SLC4A9: variants seen among roughly 807,000 people sequenced by gnomAD.
The protein encoded by SLC4A9 is anion exchange protein 4.
A neutral mutation model predicts 103.2 loss-of-function variants in SLC4A9; 102 were observed. The ratio of observed to expected loss-of-function variants is 0.99; its 90% CI spans 0.84 to 1.17. The LOEUF (loss-of-function observed/expected upper bound fraction) is 1.17. Ranked by LOEUF, SLC4A9 falls within the 50% of genes most tolerant of loss-of-function variation. The probability of loss-of-function intolerance (pLI) is 0.00; values close to 1 mark genes in which losing one functional copy is unlikely to be tolerated. For missense variants in SLC4A9, 1,091 were observed against 1,193.7 expected, an observed-to-expected ratio of 0.91 and a Z score of 1.27; for synonymous variants, 453 against 483.6, an observed-to-expected ratio of 0.94 and a Z score of 0.83.
chr5:140,361,713 C>T (rs1767107983), intron 3 of SLC4A9, 95 bp from the exon 4 acceptor site: 23 of 1,380,746 alleles, frequency 1.7e-5, no homozygotes, highest in Non-Finnish European at 2.4e-5. Flanking sequence ...TACTCTAATT[C>T]TTACAGCTTG....
In SLC4A9 at chr5:140,365,895, A is replaced by G; in HGVS notation, c.1772A>G (p.His591Arg). The change falls in exon 13 of 22, where the codon CAC becomes CGC. Residue 591 changes from histidine to arginine, a missense_variant. Physicochemically the swap from His to Arg is conservative, Grantham distance 29. Coordinates refer to ENST00000506757, the MANE Select transcript of SLC4A9 (RefSeq NM_031467.3). Reference protein sequence around the residue: ...PPPECTRQGGHPRGPGCHTVP... With the variant: ...PPPECTRQGGRPRGPGCHTVP... The stretch of plus-strand genomic sequence containing the variant: ...CCTGAGTGCACCCGGCAGGGAGGCC[A>G]CCCTCGTGGCCCTGGCTGTCATACA... 6.2e-7 allele frequency: 1 copy of G among 1,613,884 alleles called. No homozygotes were observed. The highest frequency in any genetic ancestry group is 8.5e-7 in the Non-Finnish European group (1 of 1,179,856).
At chr5:140,371,912 C>T (rs1381526451) in intron 19 of SLC4A9, among the ~76,000 whole-genome samples, 1 of 152,152 alleles carries the variant, frequency 6.6e-6, no homozygotes, top group Non-Finnish European at 1.5e-5. Flanking sequence ...GAAATGGTGA[C>T]ACTTTTATTA....
rs769969251 is a variant in SLC4A9, at chr5:140,364,347, T to C, written c.1389-16T>C. On this transcript the variant is annotated splice_polypyrimidine_tract_variant and intron_variant, in intron 10 of 21. Transcript: ENST00000506757. ...CAGCCCTGCTAAGCCAGCCTTCCTG[T>C]CTCTCATCCCCACAGAGATTACAGC... 1 of 1,611,548 alleles carries C rather than the reference T, an allele frequency of 6.2e-7. No homozygotes were observed. Among genetic ancestry groups the C allele is most frequent in the East Asian group, 2.2e-5 (1 of 44,858 alleles).
In SLC4A9 at chr5:140,363,291, T is replaced by C. The variant is rs1013025456; in HGVS notation, c.963-148T>C. The C allele has an allele frequency of 2.2e-6, 2 of 915,822 alleles. No individual in the cohort carries two copies. Among genetic ancestry groups the C allele is most frequent in the African/African-American group, 1.7e-5 (1 of 59,450 alleles). 56.7% of individuals were successfully genotyped at this position (915,822 alleles called of 1,614,324 possible). A position where few individuals can be genotyped will look rare whatever the true frequency, so the allele number is the denominator to read the frequency against. ...GGCTTTCACAGGTCGCAATATGACC[T>C]GGACCTTCTAGAGGCCCAGGTGTCG... On this transcript the variant is annotated intron_variant, in intron 7 of 21. Coordinates refer to ENST00000506757, the MANE Select transcript of SLC4A9 (RefSeq NM_031467.3). This position sits in a 1 kb window ranked among gnomAD's most constrained non-coding sequence, Gnocchi z 4.5.
Position 140,365,981 on chromosome 5 carries a change from G to T in SLC4A9, c.1858G>T (p.Ala620Ser). ...CCTTACTTCTTTCTTCTTTGCTATG[G>T]CCCTCAAGTGTGTAAAGACCAGCCG... ...LFLTSFFFAM[A>S]LKCVKTSRFF... The change falls in exon 13 of 22, where the codon GCC becomes TCC. Residue 620 changes from alanine to serine, a missense_variant. Physicochemically the swap from Ala to Ser is moderately conservative, Grantham distance 99. Transcript: ENST00000506757. The T allele has an allele frequency of 6.2e-7, 1 of 1,613,932 alleles. No homozygotes were observed. The highest frequency in any genetic ancestry group is 8.5e-7 in the Non-Finnish European group (1 of 1,179,882).
rs780264927 is a variant in SLC4A9, at chr5:140,364,136, G to T, written c.1337G>T (p.Ser446Ile). 1 of 1,594,388 alleles carries T rather than the reference G, an allele frequency of 6.3e-7. No individual in the cohort carries two copies. The highest frequency in any genetic ancestry group is 1.1e-5 in the South Asian group (1 of 88,634). ...GCAGGCCAGCCCCTCACCATTCTGA[G>T]CAGCACGGGGCCAGTGCTGGTCTTT... ...LMAGQPLTILSSTGPVLVFER... is the reference protein window; with the variant it reads ...LMAGQPLTILISTGPVLVFER... The change falls in exon 10 of 22, where the codon AGC becomes ATC. Residue 446 changes from serine (S) to isoleucine (I), a missense_variant. Ser to Ile is a moderately radical substitution (Grantham distance 142, BLOSUM62 -2). Coordinates refer to ENST00000506757, the MANE Select transcript of SLC4A9 (RefSeq NM_031467.3).
At chr5:140,372,064 A>C (rs776504348) in intron 19 of SLC4A9, among the ~76,000 whole-genome samples, 178 bp from the exon 20 acceptor site, 6 of 152,218 alleles carry the variant, frequency 3.9e-5, no homozygotes, top group Non-Finnish European at 5.9e-5. Flanking sequence ...TTGGGGTCTC[A>C]GTTTCCTTCC....
rs1367208943 is a variant in SLC4A9 at position 140,361,370 on chromosome 5, G to A, written c.505+3G>A. On this transcript the variant is annotated splice_donor_region_variant and intron_variant, in intron 3 of 21. Coordinates refer to ENST00000506757, the MANE Select transcript of SLC4A9 (RefSeq NM_031467.3). The stretch of plus-strand genomic sequence containing the variant: ...CACAGGCACCAGGCCCTGCTGGGGT[G>A]AGAGCCCCTCCCTGGGCCCAGGACC... 1 of 1,551,620 alleles carries A rather than the reference G, an allele frequency of 6.4e-7. No homozygotes were observed.
chr5:140,361,907 G>A (rs958315214), intron 4 of SLC4A9, 44 bp downstream of exon 4: 1 of 1,613,680 alleles, frequency 6.2e-7, no homozygotes, highest in Non-Finnish European at 8.5e-7. Context: ...GGCTGGGAGA[G>A]GGGTTAGAAA....
rs776911063 is a variant in SLC4A9, at chr5:140,366,211, G to A, written c.1960G>A (p.Asp654Asn). The A allele has an allele frequency of 6.2e-7, 1 of 1,609,386 alleles. No homozygotes were observed. The highest frequency in any genetic ancestry group is 8.5e-7 in the Non-Finnish European group (1 of 1,177,610). The stretch of plus-strand genomic sequence containing the variant: ...GGCCATCCTGCTCGGCTGTGGCCTT[G>A]ATGCTTTCCTGGGCCTAGCCACACC... ...VLAILLGCGL[D>N]AFLGLATPKL... The change falls in exon 14 of 22, where the codon GAT becomes AAT. Residue 654 changes from aspartate (D) to asparagine (N), a missense_variant. Physicochemically the swap from Asp to Asn is conservative, Grantham distance 23. Coordinates refer to ENST00000506757, the MANE Select transcript of SLC4A9 (RefSeq NM_031467.3).
In SLC4A9 at chr5:140,362,838, A is replaced by G. The variant is rs1248545292; in HGVS notation, c.808-74A>G. On this transcript the variant is annotated intron_variant, in intron 6 of 21. Transcript: ENST00000506757. The stretch of plus-strand genomic sequence containing the variant: ...CTGCCTCTGTGACTTGTGTCTGTCT[A>G]GTTTTGAGACTATGAAAATGCATGT... 15 of 1,570,436 alleles carry G rather than the reference A, an allele frequency of 9.6e-6. No homozygotes were observed. In the East Asian group the frequency reaches 2.9e-4, roughly 30 times the overall value.
chr5:140,372,260 G>A lies in SLC4A9; in HGVS notation c.2689G>A (p.Val897Ile). The A allele has an allele frequency of 7.0e-6, 11 of 1,569,110 alleles. No homozygotes were observed. Among genetic ancestry groups the A allele is most frequent in the South Asian group, 1.2e-5 (1 of 83,952 alleles). The change falls in exon 20 of 22, where the codon GTC (valine) becomes ATC (isoleucine). Residue 897 changes from valine (V) to isoleucine (I), a missense_variant. Physicochemically the swap from Val to Ile is conservative, Grantham distance 29. Coordinates refer to ENST00000506757, the MANE Select transcript of SLC4A9 (RefSeq NM_031467.3). ...FPLMLLGLVG[V>I]RKALERVFSP... ...CCTGCAGTTGCTGGGCCTTGTGGGG[G>A]TCCGAAAGGCCCTGGAGAGGGTCTT...
At position 140,367,376 on chromosome 5, in the gene SLC4A9, T is replaced by A. The variant is rs780324062; in HGVS notation, c.2014-44T>A. 3.1e-6 allele frequency: 5 copies of A among 1,593,402 alleles called. No individual in the cohort carries two copies. In the African/African-American group the frequency reaches 6.7e-5, roughly 21 times the overall value. ...GTTGAGATGTGCAGGTGAGATGCTC[T>A]TGGGAGACCCACTCCAACCTGTCCA... is the stretch of plus-strand genomic sequence containing the variant. On this transcript the variant is annotated intron_variant, in intron 14 of 21. Coordinates refer to ENST00000506757, the MANE Select transcript of SLC4A9 (RefSeq NM_031467.3).
At chr5:140,364,244 T>C in intron 10 of SLC4A9, 57 bp downstream of exon 10, 1 of 1,573,578 alleles carries the variant, frequency 6.4e-7, no homozygotes, top group East Asian at 2.3e-5. Context: ...AGCCTGCTCC[T>C]GGCTGGGTGA....
Position 140,366,180 on chromosome 5 carries a change from A to G in SLC4A9, c.1929A>G (p.Ser643=), listed in dbSNP as rs745953383. 1.2e-6 allele frequency: 2 copies of G among 1,613,130 alleles called. No homozygotes were observed. The highest frequency in any genetic ancestry group is 1.7e-6 in the Non-Finnish European group (2 of 1,179,452). ...GCAAAGGGCTCAGCGACTTCTCCTC[A>G]GTCCTGGCCATCCTGCTCGGCTGTG... ...VVRKGLSDFS[S]VLAILLGCGL... Residue 643 remains serine, a synonymous_variant, in exon 14 of 22, where the codon TCA becomes TCG. Transcript: ENST00000506757.
At chr5:140,374,062 G>C (rs1268106683) in intron 21 of SLC4A9, among the ~76,000 whole-genome samples, 1 of 151,568 alleles carries the variant, frequency 6.6e-6, no homozygotes, top group Non-Finnish European at 1.5e-5. Flanking sequence ...GGGTGTGGTG[G>C]TGCATGCCTG....
chr5:140,362,540 G>A lies in SLC4A9; in HGVS notation c.807+8G>A, dbSNP rs756244581. On this transcript the variant is annotated splice_region_variant and intron_variant, in intron 6 of 21. Transcript: ENST00000506757. ...GTCCTCCTCAGTGACCCGGTGAGCT[G>A]AGCAGGTGTGTGTGTGTGCGCGCGC... 11 of 1,613,740 alleles carry A rather than the reference G, an allele frequency of 6.8e-6. No individual in the cohort carries two copies. The South Asian group carries it at 9.9e-5, about 14-fold the overall frequency.
intron 6 of SLC4A9, 128 bp from the exon 7 acceptor site, chr5:140,362,784 A>G: frequency 8.2e-7 from 1 of 1,213,624 alleles, no homozygotes; most frequent in Non-Finnish European, 1.2e-6. Context: ...GAATTAATGC[A>G]TGCATAAAGG....
At chr5:140,373,798 T>A (rs553201207) in intron 21 of SLC4A9, among the ~76,000 whole-genome samples, 6 of 150,216 alleles carry the variant, frequency 4.0e-5, no homozygotes, top group African/African-American at 1.2e-4. Context: ...CTAAAAAAAT[T>A]TTTTTTAAAA....
Sources: gnomAD v4.1 joint callset for allele counts (sites outside exome capture counted in the v4.1 genomes callset) on GRCh38, gnomAD v4.1.1 for gene constraint, Gnocchi (gnomAD v3.1) non-coding constraint, MANE v1.5 for transcripts, NCBI Gene and HGNC (gene_info 2026-07-23, HGNC 2026-07-21) for gene names.